The following CNTRL variants were observed in gnomAD, a reference collection of about 807,000 sequenced individuals.
CNTRL encodes 110 kDa centrosomal protein.
A neutral mutation model predicts 303.7 loss-of-function variants in CNTRL; 233 were observed. That is an observed-to-expected ratio of 0.77 (90% confidence interval 0.69 to 0.86). CNTRL has a LOEUF of 0.86. Ranked by LOEUF, CNTRL falls within the 40% of genes least tolerant of loss-of-function variation. The pLI, the probability that CNTRL is intolerant of heterozygous loss-of-function variation, is 0.00. For synonymous variants in CNTRL, 900 were observed against 922.2 expected, an observed-to-expected ratio of 0.98 and a Z score of 0.44; for missense variants, 2,524 against 2,650.6, an observed-to-expected ratio of 0.95 and a Z score of 1.05.
chr9:121,141,955 C>T (rs1271455644), intron 18 of CNTRL, 136 bp from the exon 19 acceptor site: 2 of 688,544 alleles, frequency 2.9e-6, no homozygotes, highest in Non-Finnish European at 4.8e-6. Context: ...CAAGATAAAA[C>T]CATTCCTGAC....
At chr9:121,146,075 A>C (rs896384695) in intron 22 of CNTRL, 33 bp from the exon 23 acceptor site, 24 of 1,547,880 alleles carry the variant, frequency 1.6e-5, no homozygotes, top group Admixed American at 2.0e-5. Flanking sequence ...AAGTGATTTC[A>C]TATCAATTTC....
intron 12 of CNTRL, 22 bp downstream of exon 12, chr9:121,118,562 G>T: frequency 1.3e-6 from 2 of 1,560,140 alleles, no homozygotes; most frequent in Admixed American, 1.9e-5. Context: ...AAGAAATTTT[G>T]ACTTGTTCTG....
chr9:121,155,093 T>A, intron 27 of CNTRL, 180 bp downstream of exon 27: 1 of 601,382 alleles, frequency 1.7e-6, no homozygotes, highest in South Asian at 2.0e-5. Context: ...GTCATATAAG[T>A]CCCCTGGCTT....
chr9:121,116,532 A>T (rs1390992122), intron 11 of CNTRL, among the ~76,000 whole-genome samples: 4 of 152,214 alleles, frequency 2.6e-5, no homozygotes, highest in African/African-American at 9.6e-5. Flanking sequence ...CATATTGACC[A>T]GGCTGGTCTT....
chr9:121,128,014 T>C (rs1441261176), intron 14 of CNTRL, among the ~76,000 whole-genome samples: 1 of 152,178 alleles, frequency 6.6e-6, no homozygotes, highest in African/African-American at 2.4e-5. Flanking sequence ...ATGGTTTATA[T>C]GTGCTGCATT....
At chr9:121,166,935 C>T (rs143207477) in intron 36 of CNTRL, among the ~76,000 whole-genome samples, 7 of 151,420 alleles carry the variant, frequency 4.6e-5, no homozygotes, top group African/African-American at 1.5e-4. Context: ...GCAGGAGAAT[C>T]GCTTGAACCC....
chr9:121,102,541 T>A (rs1175029939), intron 7 of CNTRL, among the ~76,000 whole-genome samples: 1 of 152,222 alleles, frequency 6.6e-6, no homozygotes, highest in Non-Finnish European at 1.5e-5. Flanking sequence ...TTGGAAATTC[T>A]GGCCAGGGCA....
chr9:121,091,884 C>CTT (rs148922615), intron 4 of CNTRL, among the ~76,000 whole-genome samples: 134 of 74,932 alleles, frequency 1.8e-3, no homozygotes, highest in Non-Finnish European at 2.1e-3. Context: ...GAGGTCTTCT[C>CTT]TTTTTTTTTT....
Position 121,096,437 on chromosome 9 carries a change from A to G in CNTRL, c.495A>G (p.Ile165Met). ...SYNKISKIEG[I>M]ENMCNLQKLN... ...TGCTTTCCAGCAAAATTGAAGGCAT[A>G]GAAAATATGTGTAATCTGCAAAAGC... Residue 165 changes from isoleucine (I) to methionine (M), a missense_variant, in exon 6 of 44, where the codon ATA (isoleucine) becomes ATG (methionine). Ile to Met is a conservative substitution (Grantham distance 10, BLOSUM62 1). Transcript: ENST00000373855. The G allele has an allele frequency of 1.3e-6, 2 of 1,543,360 alleles. No homozygotes were observed. The highest frequency in any genetic ancestry group is 1.8e-6 in the Non-Finnish European group (2 of 1,141,028).
At chr9:121,075,840 G>A (rs1416438497) in intron 1 of CNTRL, among the ~76,000 whole-genome samples, 1 of 152,224 alleles carries the variant, frequency 6.6e-6, no homozygotes. Context: ...ATAGCACTGA[G>A]GACCAGAGAG....
chr9:121,089,566 T>C (rs2132278289), intron 3 of CNTRL, among the ~76,000 whole-genome samples: 1 of 152,340 alleles, frequency 6.6e-6, no homozygotes, highest in African/African-American at 2.4e-5. Context: ...TGATTTTCTC[T>C]ATTTAAAAGT....
intron 15 of CNTRL, among the ~76,000 whole-genome samples, chr9:121,137,649 G>A (rs555696486): frequency 6.6e-6 from 1 of 152,114 alleles, no homozygotes; most frequent in Non-Finnish European, 1.5e-5. Context: ...ACCGAGTTTT[G>A]TAGAAGTATA....
chr9:121,093,269 C>G (rs966513134), intron 4 of CNTRL, among the ~76,000 whole-genome samples: 2 of 151,942 alleles, frequency 1.3e-5, no homozygotes, highest in African/African-American at 4.8e-5. Flanking sequence ...TGGAGAGAAC[C>G]ATTTGATGTG....
chr9:121,080,067 T>TC (rs1304637724), intron 1 of CNTRL, among the ~76,000 whole-genome samples: 1 of 152,132 alleles, frequency 6.6e-6, no homozygotes, highest in Non-Finnish European at 1.5e-5. Context: ...TAATCTAGAC[T>TC]CCAGGAAACT....
In CNTRL at chr9:121,150,415, C is replaced by A; in HGVS notation, c.3895C>A (p.Pro1299Thr). 1 of 1,614,180 alleles carries A rather than the reference C, an allele frequency of 6.2e-7. No individual in the cohort carries two copies. Among genetic ancestry groups the A allele is most frequent in the Non-Finnish European group, 8.5e-7 (1 of 1,180,038 alleles). The part of the protein sequence containing the change: ...GAPMVYGPPP[P>T]NFSIPFIPMG... ...CCCCATGGTGTATGGGCCTCCACCC[C>A]CCAACTTCTCCATCCCCTTCATCCC... is the stretch of plus-strand genomic sequence containing the variant. The change falls in exon 25 of 44, where the codon CCC becomes ACC. Residue 1299 changes from proline to threonine, a missense_variant. Transcript: ENST00000373855.
intron 32 of CNTRL, 90 bp downstream of exon 32, chr9:121,160,392 A>T: frequency 1.0e-6 from 1 of 978,572 alleles, no homozygotes; most frequent in Admixed American, 3.1e-5. Context: ...GGCCAAAAAA[A>T]CTTTAAAGTT....
chr9:121,173,387 G>A lies in CNTRL; in HGVS notation c.6562G>A (p.Ala2188Thr), dbSNP rs2053388459. 1.9e-6 allele frequency: 3 copies of A among 1,613,992 alleles called. No individual in the cohort carries two copies. Among genetic ancestry groups the A allele is most frequent in the Non-Finnish European group, 2.5e-6 (3 of 1,180,040 alleles). ...TCCAGAACTACCAGCAGATCTAGAA[G>A]CTATTTTGGAAAGAAACGAAAACCT... Reference protein sequence around the residue: ...FLPELPADLEAILERNENLEG... With the variant: ...FLPELPADLETILERNENLEG... The change falls in exon 41 of 44, where the codon GCT becomes ACT. Residue 2188 changes from alanine to threonine, a missense_variant. Ala to Thr is a moderately conservative substitution (Grantham distance 58). Transcript: ENST00000373855.
intron 1 of CNTRL, among the ~76,000 whole-genome samples, chr9:121,079,874 G>GT (rs1489663756): frequency 6.6e-6 from 1 of 151,444 alleles, no homozygotes; most frequent in Non-Finnish European, 1.5e-5. Context: ...TTTTTGTTTT[G>GT]TTTTTTTGAG....
chr9:121,077,293 A>G (rs2131938514), intron 1 of CNTRL, among the ~76,000 whole-genome samples: 1 of 149,964 alleles, frequency 6.7e-6, no homozygotes, highest in Non-Finnish European at 1.5e-5. Context: ...AGTTGTCTTC[A>G]TTTTTCCATT....
Sources: gnomAD v4.1 joint callset for allele counts (sites outside exome capture counted in the v4.1 genomes callset) on GRCh38, gnomAD v4.1.1 for gene constraint, MANE v1.5 for transcripts, NCBI Gene and HGNC (gene_info 2026-07-23, HGNC 2026-07-21) for gene names.